RSRP1: variants seen among roughly 807,000 people sequenced by gnomAD.
The protein encoded by RSRP1 is arginine and serine rich protein 1, also known as arginine/serine-rich protein 1.
In RSRP1, 37 loss-of-function variants were observed where a neutral mutation model predicts 33.0. That is an observed-to-expected ratio of 1.12 (90% CI 0.86 to 1.48). RSRP1 has a LOEUF of 1.48. RSRP1 is among the 40% of genes most tolerant of loss of function. The pLI is 0.00. For missense variants in RSRP1, 402 were observed against 385.3 expected, an observed-to-expected ratio of 1.04 and a Z score of -0.36; for synonymous variants, 167 against 158.7, an observed-to-expected ratio of 1.05 and a Z score of -0.40.
At chr1:25,262,800 G>C (rs1371708381) in intron 1 of RSRP1, among the ~76,000 whole-genome samples, 2 of 152,210 alleles carry the variant, frequency 1.3e-5, no homozygotes, top group African/African-American at 4.8e-5. Context: ...AAGAGAGTAA[G>C]ACCAATTTGC....
rs572918222 is a variant in RSRP1, at chr1:25,259,431, A to G, written c.-66-12402T>C. Reference sequence around the variant, plus strand: ...TAACAGTTAACAGTGTGCTCATAGAAACTGCTTTGACATGACTGCAATCAT... The same window carrying G: ...TAACAGTTAACAGTGTGCTCATAGAGACTGCTTTGACATGACTGCAATCAT... On this transcript the variant is annotated intron_variant, in intron 1 of 1. Transcript: ENST00000561867. Among the ~76,000 whole-genome samples, 4 of 152,058 alleles carry G rather than the reference A, an allele frequency of 2.6e-5. No individual in the cohort carries two copies. The South Asian group carries it at 8.3e-4, about 32-fold the overall frequency.
Position 25,271,515 on chromosome 1 carries a change from A to G in RSRP1, c.-66-24486T>C, listed in dbSNP as rs191568964. Among the ~76,000 whole-genome samples, 23 of 132,268 alleles carry G rather than the reference A, an allele frequency of 1.7e-4. 4 individuals carry two copies. In the East Asian group the frequency reaches 3.7e-3, roughly 21 times the overall value. The allele number at this position is 132,268 out of a possible 152,430, so 86.8% of individuals were successfully genotyped here. A position where few individuals can be genotyped will look rare whatever the true frequency, so the allele number is the denominator to read the frequency against. On this transcript the variant is annotated intron_variant, in intron 1 of 1. Transcript: ENST00000561867. ...AGTGGCTGGGACCATTGTAGAAAATAAGGAAACTCCAATTCCTTCCTTCTT... is the reference window on the plus strand; with the variant it reads ...AGTGGCTGGGACCATTGTAGAAAATGAGGAAACTCCAATTCCTTCCTTCTT...
chr1:25,243,517 A>G, intron 4 of RSRP1, 33 bp downstream of exon 4: 2 of 1,606,426 alleles, frequency 1.2e-6, no homozygotes, highest in Non-Finnish European at 1.7e-6. Context: ...CCTAAATCCA[A>G]TTTTTGAGTG....
intron 1 of RSRP1, among the ~76,000 whole-genome samples, chr1:25,269,302 G>C (rs182540000): frequency 1.5e-5 from 2 of 132,460 alleles, no homozygotes; most frequent in East Asian, 3.9e-4. Flanking sequence ...AGACGGAGTG[G>C]TGGGATGGGA....
chr1:25,290,861 G>A, intron 1 of RSRP1: 1 of 1,332,110 alleles, frequency 7.5e-7, no homozygotes, highest in Non-Finnish European at 1.1e-6. Context: ...GGGGTTTCCA[G>A]GGTTTTGAAA....
intron 1 of RSRP1, chr1:25,284,567 G>T: frequency 7.2e-7 from 1 of 1,388,648 alleles, no homozygotes; most frequent in African/African-American, 1.4e-5. Context: ...TCTCCCCACC[G>T]AGCAGTTGGC....
At chr1:25,299,989 A>T (rs1316542971) in intron 1 of RSRP1, among the ~76,000 whole-genome samples, 6 of 131,214 alleles carry the variant, frequency 4.6e-5, no homozygotes, top group African/African-American at 1.6e-4. Flanking sequence ...ACCTCAGGTG[A>T]TCCACCCACC....
chr1:25,254,154 T>C (rs1639876766), intron 1 of RSRP1, among the ~76,000 whole-genome samples: 1 of 152,164 alleles, frequency 6.6e-6, no homozygotes, highest in Non-Finnish European at 1.5e-5. Context: ...GGGTGAACCA[T>C]CACCCCATAG....
intron 1 of RSRP1, among the ~76,000 whole-genome samples, chr1:25,283,926 C>T (rs1641724258): frequency 7.4e-6 from 1 of 134,366 alleles, no homozygotes; most frequent in Non-Finnish European, 1.8e-5. Context: ...CTTCCACTCA[C>T]CTGCCACAGC....
At chr1:25,242,986 A>T (rs913825512) in intron 4 of RSRP1, among the ~76,000 whole-genome samples, 2 of 152,120 alleles carry the variant, frequency 1.3e-5, no homozygotes, top group African/African-American at 4.8e-5. Flanking sequence ...GCTACTCGGG[A>T]GGCTGAGGCA....
upstream of RSRP1, among the ~76,000 whole-genome samples, chr1:25,252,108 G>A (rs557847925): frequency 6.6e-6 from 1 of 152,088 alleles, no homozygotes; most frequent in East Asian, 1.9e-4. Context: ...CTCTCACTCA[G>A]GCTGGAGTGC....
In RSRP1 at chr1:25,245,318, G is replaced by A; in HGVS notation, c.521-17C>T. 6.3e-7 allele frequency: 1 copy of A among 1,596,448 alleles called. No homozygotes were observed. The highest frequency in any genetic ancestry group is 8.6e-7 in the Non-Finnish European group (1 of 1,168,264). On this transcript the variant is annotated splice_polypyrimidine_tract_variant and intron_variant, in intron 2 of 4. Transcript: ENST00000243189. The stretch of plus-strand genomic sequence containing the variant: ...CCATTCGATCTAAAAAAAAAAGAGA[G>A]AGATTTTAAAATACTCATTAATCTG...
At chr1:25,252,954 A>G (rs1422048892) in intron 1 of RSRP1, among the ~76,000 whole-genome samples, 2 of 152,246 alleles carry the variant, frequency 1.3e-5, no homozygotes, top group Non-Finnish European at 2.9e-5. Flanking sequence ...GCCTCGAGGC[A>G]GATGATGTAT....
At chr1:25,257,441 A>G (rs1278455056) in intron 1 of RSRP1, among the ~76,000 whole-genome samples, 2 of 152,200 alleles carry the variant, frequency 1.3e-5, no homozygotes, top group East Asian at 3.8e-4. Flanking sequence ...TCTGAAGGGA[A>G]CAGGCAGAGG....
At chr1:25,273,302 A>AATTTTT (rs1553137277) in intron 1 of RSRP1, among the ~76,000 whole-genome samples, 1 of 97,780 alleles carries the variant, frequency 1.0e-5, no homozygotes, top group African/African-American at 3.7e-5. Flanking sequence ...TGCCTGGCTA[A>AATTTTT]TTTTTTTTTT....
chr1:25,311,691 C>T (rs538395200), intron 1 of RSRP1, among the ~76,000 whole-genome samples: 1 of 129,450 alleles, frequency 7.7e-6, no homozygotes, highest in South Asian at 2.4e-4. Context: ...TTTGGAATGA[C>T]CAGCTGCTGC....
Position 25,322,237 on chromosome 1 carries a change from C to G in RSRP1, c.-67+15741G>C, listed in dbSNP as rs640760. On this transcript the variant is annotated intron_variant, in intron 1 of 1. Coordinates refer to the RSRP1 transcript ENST00000561867. ...TTTCACTGGCCACACTTCCCCTCCC[C>G]CTATCTGCAGTCCTCAGCGTAGCCA... Among the ~76,000 whole-genome samples, 248 of 132,260 alleles carry G rather than the reference C, an allele frequency of 1.9e-3. 41 individuals are homozygous for G. The highest frequency in any genetic ancestry group is 0.013 in the East Asian group (68 of 5,124). 86.8% of individuals were successfully genotyped at this position (132,260 alleles called of 152,430 possible). A position where few individuals can be genotyped will look rare whatever the true frequency, so the allele number is the denominator to read the frequency against.
chr1:25,308,372 T>TG lies in RSRP1; in HGVS notation c.-67+29605dup, dbSNP rs1191121436. On this transcript the variant is annotated intron_variant, in intron 1 of 1. Transcript: ENST00000561867. The stretch of plus-strand genomic sequence containing the variant: ...CCCCAGACCTACCCAGTTAGAAATC[T>TG]GGGGGTGGGACCTATCAGTCCATGT... 6.1e-5 allele frequency among the ~76,000 whole-genome samples: 7 copies of TG among 115,288 alleles called. 3 individuals are homozygous for TG. Among genetic ancestry groups the TG allele is most frequent in the Non-Finnish European group, 1.4e-4 (7 of 49,028 alleles). The allele number at this position is 115,288 out of a possible 152,430, so 75.6% of individuals were successfully genotyped here.
At position 25,294,125 on chromosome 1, in the gene RSRP1, A is replaced by G. The variant is rs967305588; in HGVS notation, c.-67+43853T>C. Reference sequence around the variant, plus strand: ...ATGGCATGACAAAGCAGAGGCAAAGAGGCATACATCAATTCTTCAAAGTAG... The same window carrying G: ...ATGGCATGACAAAGCAGAGGCAAAGGGGCATACATCAATTCTTCAAAGTAG... On this transcript the variant is annotated intron_variant, in intron 1 of 1. Coordinates refer to the RSRP1 transcript ENST00000561867. The G allele has an allele frequency of 6.2e-6, 4 of 646,356 alleles. No individual in the cohort carries two copies. In the African/African-American group the frequency reaches 7.5e-5, roughly 12 times the overall value. 40.0% of individuals were successfully genotyped at this position (646,356 alleles called of 1,614,324 possible). A position where few individuals can be genotyped will look rare whatever the true frequency, so the allele number is the denominator to read the frequency against.
Sources: gnomAD v4.1 joint callset for allele counts (sites outside exome capture counted in the v4.1 genomes callset) on GRCh38, gnomAD v4.1.1 for gene constraint, MANE v1.5 for transcripts, NCBI Gene and HGNC (gene_info 2026-07-23, HGNC 2026-07-21) for gene names.